Variants in DLG2 observed in about 807,000 individuals in gnomAD.
DLG2 encodes discs large MAGUK scaffold protein 2, also known as disks large homolog 2.
A neutral mutation model predicts 132.5 loss-of-function variants in DLG2; 45 were observed. The ratio of observed to expected loss-of-function variants is 0.34; its 90% CI spans 0.27 to 0.44. DLG2 has a LOEUF of 0.44. Ranked by LOEUF, DLG2 falls within the 20% of genes least tolerant of loss-of-function variation. DLG2 has a pLI of 1.00. For missense variants in DLG2, 1,045 were observed against 1,196.9 expected, an observed-to-expected ratio of 0.87 and a Z score of 1.87; for synonymous variants, 424 against 419.6, an observed-to-expected ratio of 1.01 and a Z score of -0.13.
intron 6 of DLG2, among the ~76,000 whole-genome samples, chr11:84,651,407 A>G (rs2099681907): frequency 6.6e-6 from 1 of 152,158 alleles, no homozygotes; most frequent in Non-Finnish European, 1.5e-5. Flanking sequence ...ATGGGGGAGA[A>G]CTCAGTGATA....
intron 4 of DLG2, among the ~76,000 whole-genome samples, chr11:85,212,015 C>T (rs1490220840): frequency 6.6e-6 from 1 of 151,952 alleles, no homozygotes; most frequent in African/African-American, 2.4e-5. Context: ...TAAAAATTAT[C>T]TCCCTCATCA....
chr11:84,611,777 A>C (rs1261250067), intron 6 of DLG2, among the ~76,000 whole-genome samples: 1 of 152,186 alleles, frequency 6.6e-6, no homozygotes, highest in Non-Finnish European at 1.5e-5. Flanking sequence ...GAAATCAAAG[A>C]CTATACAATA....
chr11:84,806,608 G>C (rs1170011967), intron 6 of DLG2, among the ~76,000 whole-genome samples: 1 of 152,022 alleles, frequency 6.6e-6, no homozygotes, highest in African/African-American at 2.4e-5. Flanking sequence ...GGAATTAAAA[G>C]GAATTTAAGA....
intron 17 of DLG2, among the ~76,000 whole-genome samples, chr11:83,830,373 T>A (rs1412140092): frequency 6.6e-6 from 1 of 152,250 alleles, no homozygotes; most frequent in Non-Finnish European, 1.5e-5. Flanking sequence ...TATCACTAGA[T>A]CACCTTTTTC....
At chr11:84,502,289 T>TCTTTCTTTCTTTCTTTCTTTCTTTC (rs2099216504) in intron 7 of DLG2, among the ~76,000 whole-genome samples, 1 of 2,550 alleles carries the variant, frequency 3.9e-4, no homozygotes, top group Non-Finnish European at 6.4e-4. Flanking sequence ...CTTCTTTCTT[T>TCTTTCTTTCTTTCTTTCTTTCTTTC]CTTTCTTTCT....
At chr11:84,013,503 T>C (rs978184856) in intron 11 of DLG2, among the ~76,000 whole-genome samples, 4 of 152,140 alleles carry the variant, frequency 2.6e-5, no homozygotes, top group African/African-American at 9.7e-5. Context: ...CAGAACGTTA[T>C]TGAAGTGATA....
intron 3 of DLG2, among the ~76,000 whole-genome samples, chr11:85,363,117 G>A (rs1188632926): frequency 1.3e-5 from 2 of 152,148 alleles, no homozygotes; most frequent in African/African-American, 4.8e-5. Context: ...GGAGTCTTCG[G>A]CAAGTACCAA....
chr11:85,094,660 G>C (rs896439154), intron 6 of DLG2, among the ~76,000 whole-genome samples: 1 of 152,184 alleles, frequency 6.6e-6, no homozygotes, highest in Non-Finnish European at 1.5e-5. Flanking sequence ...CCTTGCTCTG[G>C]ATTAGGCTTT....
chr11:84,012,806 G>A (rs2094958069), intron 11 of DLG2, among the ~76,000 whole-genome samples: 1 of 152,100 alleles, frequency 6.6e-6, no homozygotes, highest in Admixed American at 6.6e-5. Flanking sequence ...ATAATTGGAA[G>A]GGATCTCGGG....
chr11:85,578,732 CAG>C (rs2078320830), intron 3 of DLG2, among the ~76,000 whole-genome samples: 2 of 152,120 alleles, frequency 1.3e-5, no homozygotes, highest in Admixed American at 1.3e-4. Context: ...GTTAAAATAA[CAG>C]ATACTAGAAA....
intron 7 of DLG2, among the ~76,000 whole-genome samples, chr11:84,465,869 T>C (rs2099092975): frequency 1.3e-5 from 2 of 151,260 alleles, no homozygotes; most frequent in Admixed American, 6.6e-5. Context: ...CTAGCTCTGA[T>C]ATTTTATTAA....
chr11:84,935,187 T>C (rs1393288903), intron 6 of DLG2, among the ~76,000 whole-genome samples: 1 of 152,230 alleles, frequency 6.6e-6, no homozygotes, highest in East Asian at 1.9e-4. Flanking sequence ...TTTCACCAGA[T>C]TCACAGTAAT....
intron 6 of DLG2, among the ~76,000 whole-genome samples, chr11:84,855,516 T>A (rs1472670586): frequency 1.3e-5 from 2 of 152,032 alleles, no homozygotes; most frequent in African/African-American, 2.4e-5. Context: ...AACTCTCCCA[T>A]ATTTCTAGAA....
At chr11:84,409,014 A>G (rs182970560) in intron 7 of DLG2, among the ~76,000 whole-genome samples, 2 of 152,058 alleles carry the variant, frequency 1.3e-5, no homozygotes, top group African/African-American at 4.8e-5. Flanking sequence ...CCGATGACTC[A>G]CCATTTACAA....
chr11:84,276,403 A>G (rs2097783586), intron 7 of DLG2, among the ~76,000 whole-genome samples: 1 of 152,222 alleles, frequency 6.6e-6, no homozygotes, highest in Admixed American at 6.5e-5. Flanking sequence ...TATAAATCCA[A>G]TATTTACCTT....
At chr11:84,420,875 A>T (rs1356785129) in intron 7 of DLG2, among the ~76,000 whole-genome samples, 1 of 150,980 alleles carries the variant, frequency 6.6e-6, no homozygotes, top group Non-Finnish European at 1.5e-5. Context: ...TCACCGTTTT[A>T]GCCAGGATGG....
chr11:84,769,235 A>T, intron 6 of DLG2, among the ~76,000 whole-genome samples: 1 of 152,136 alleles, frequency 6.6e-6, no homozygotes, highest in East Asian at 1.9e-4. Flanking sequence ...ATCTACACAA[A>T]GAAACTTCTA....
chr11:84,742,619 T>C (rs904532237), intron 6 of DLG2, among the ~76,000 whole-genome samples: 1 of 152,214 alleles, frequency 6.6e-6, no homozygotes, highest in African/African-American at 2.4e-5. Flanking sequence ...ATGTTATATT[T>C]GCTACAACTG....
At chr11:84,908,365 T>C (rs951401835) in intron 6 of DLG2, among the ~76,000 whole-genome samples, 3 of 152,216 alleles carry the variant, frequency 2.0e-5, no homozygotes, top group African/African-American at 4.8e-5. Flanking sequence ...ACACTTACAA[T>C]GCATCTCAGT....
Sources: allele counts gnomAD v4.1 joint callset (sites outside exome capture counted in the v4.1 genomes callset), GRCh38; gene constraint gnomAD v4.1.1; transcripts MANE v1.5; gene names NCBI Gene and HGNC (gene_info 2026-07-23, HGNC 2026-07-21).